Variants in MAK observed in about 807,000 individuals in gnomAD.
MAK encodes the protein male germ cell associated kinase, also known as serine/threonine-protein kinase MAK.
MAK carries 65 observed loss-of-function variants against 82.6 expected under a neutral mutation model. That is an observed-to-expected ratio of 0.79 (90% CI 0.64 to 0.97). The LOEUF (loss-of-function observed/expected upper bound fraction) is 0.97. MAK is among the 50% of genes least tolerant of loss of function. MAK has a pLI of 0.00. For missense variants in MAK, 703 were observed against 780.2 expected (o/e 0.90, Z 1.18); for synonymous variants, 250 against 274.2 (o/e 0.91, Z 0.87).
intron 10 of MAK, among the ~76,000 whole-genome samples, chr6:10,790,204 A>G (rs1774953705): frequency 6.6e-6 from 1 of 152,146 alleles, no homozygotes; most frequent in Non-Finnish European, 1.5e-5. Context: ...TTTTTAGGAA[A>G]GAGTACCTAT....
At position 10,764,578 on chromosome 6, in the gene MAK, C is replaced by T; in HGVS notation, c.1821G>A (p.Arg607=). The change falls in exon 15 of 15, where the codon CGG becomes CGA. Residue 607 remains arginine, a synonymous_variant. Coordinates refer to ENST00000354489, the MANE Select transcript of MAK (RefSeq NM_001242957.3). ...SEYTWNTKTG[R]GQFSGRTYNP... ...TATAAGTACGTCCTGAAAACTGCCC[C>T]CGACCAGTTTTTGTGTTCCAGGTAT... The T allele has an allele frequency of 1.2e-6, 2 of 1,613,904 alleles. No homozygotes were observed. The highest frequency in any genetic ancestry group is 1.7e-6 in the Non-Finnish European group (2 of 1,179,894).
intron 5 of MAK, among the ~76,000 whole-genome samples, chr6:10,813,086 T>TTTTATATA (rs1347378325): frequency 1.1e-4 from 4 of 34,906 alleles, no homozygotes; most frequent in Admixed American, 4.6e-4. Flanking sequence ...TTATGTATTT[T>TTTTATATA]TATATATATA....
chr6:10,787,844 G>A (rs1259553762), intron 10 of MAK, among the ~76,000 whole-genome samples: 3 of 110,198 alleles, frequency 2.7e-5, no homozygotes, highest in African/African-American at 1.1e-4. Flanking sequence ...CTGGGTGACA[G>A]AGCGAGACTG....
chr6:10,768,984 A>T (rs971754493), intron 14 of MAK, among the ~76,000 whole-genome samples: 1 of 152,340 alleles, frequency 6.6e-6, no homozygotes, highest in East Asian at 1.9e-4. Flanking sequence ...CCAAGGTGGG[A>T]GGATTGCTTG....
At chr6:10,779,222 C>T in intron 11 of MAK, 1 of 525,048 alleles carries the variant, frequency 1.9e-6, no homozygotes, top group South Asian at 8.2e-5. Flanking sequence ...AGTCCCGGCT[C>T]TAGGAGCAGG....
At chr6:10,796,708 A>G (rs1775594934) in intron 8 of MAK, among the ~76,000 whole-genome samples, 1 of 151,364 alleles carries the variant, frequency 6.6e-6, no homozygotes, top group South Asian at 2.1e-4. Context: ...CGGGAGGGTG[A>G]GGCATGAGAA....
At chr6:10,802,904 A>G (rs954591387) in intron 7 of MAK, among the ~76,000 whole-genome samples, 1 of 152,256 alleles carries the variant, frequency 6.6e-6, no homozygotes, top group Non-Finnish European at 1.5e-5. Flanking sequence ...CACATTTCAG[A>G]AAGAAAGGTG....
In MAK at chr6:10,813,082, ATTTT is replaced by A. The variant is rs1379792812; in HGVS notation, c.358+558_358+561del. Reference sequence around the variant, plus strand: ...GGCCTGGTATGTATGTATGTTATGTATTTTTATATATATATATATATATATATAT... The same window carrying A: ...GGCCTGGTATGTATGTATGTTATGTATATATATATATATATATATATATAT... On this transcript the variant is annotated intron_variant, in intron 5 of 14. Coordinates refer to ENST00000354489, the MANE Select transcript of MAK (RefSeq NM_001242957.3). 4.8e-3 allele frequency among the ~76,000 whole-genome samples: 155 copies of A among 32,494 alleles called. 4 individuals carry two copies. The highest frequency in any genetic ancestry group is 0.013 in the African/African-American group (150 of 11,408). The allele number at this position is 32,494 out of a possible 152,430, so 21.3% of individuals were successfully genotyped here.
chr6:10,830,411 G>A (rs920635076), intron 2 of MAK, 137 bp downstream of exon 2: 15 of 701,890 alleles, frequency 2.1e-5, no homozygotes, highest in Middle Eastern at 5.0e-4. Flanking sequence ...TGATCCGCCC[G>A]CCTCGGCCTC....
At chr6:10,792,258 T>TC (rs905009400) in intron 9 of MAK, among the ~76,000 whole-genome samples, 2 of 151,956 alleles carry the variant, frequency 1.3e-5, no homozygotes, top group African/African-American at 4.8e-5. Flanking sequence ...CTTTTACTCT[T>TC]CCCCCTCCTT....
intron 2 of MAK, among the ~76,000 whole-genome samples, chr6:10,819,547 A>G (rs7740750): frequency 0.16 from 24,577 of 151,762 alleles, 1,921 homozygotes; most frequent in Middle Eastern, 0.2. Context: ...CAGGAGAATC[A>G]CTTGAACCCA....
At position 10,805,415 on chromosome 6, in the gene MAK, G is replaced by A. The variant is rs531169220; in HGVS notation, c.492-1524C>T. Among the ~76,000 whole-genome samples, 6 of 151,950 alleles carry A rather than the reference G, an allele frequency of 3.9e-5. No individual in the cohort carries two copies. In the East Asian group the frequency reaches 1.2e-3, roughly 29 times the overall value. Reference sequence around the variant, plus strand: ...GGCCTGGCCAACATGGTGAAACCCCGTCTCTACTAAAAATACAAAAACTTA... The same window carrying A: ...GGCCTGGCCAACATGGTGAAACCCCATCTCTACTAAAAATACAAAAACTTA... On this transcript the variant is annotated intron_variant, in intron 6 of 14. Transcript: ENST00000354489.
intron 13 of MAK, among the ~76,000 whole-genome samples, chr6:10,770,996 C>CTCAGGTGACTGGGGGGTGCGTTGTCCA (rs1408243247): frequency 6.6e-6 from 1 of 151,328 alleles, no homozygotes; most frequent in African/African-American, 2.4e-5. Flanking sequence ...AAGTTTGCAG[C>CTCAGGTGACTGGGGGGTGCGTTGTCCA]TCAGGTGACT....
intron 12 of MAK, among the ~76,000 whole-genome samples, chr6:10,774,511 T>C (rs73440127): frequency 0.018 from 2,688 of 152,264 alleles, 67 homozygotes; most frequent in African/African-American, 0.052. Context: ...TACAAATAGA[T>C]AGTTGGGAAC....
intron 10 of MAK, 138 bp downstream of exon 10, chr6:10,791,537 G>A (rs2127542198): frequency 1.3e-6 from 1 of 750,580 alleles, no homozygotes; most frequent in South Asian, 1.7e-5. Flanking sequence ...AAAGTGCTGG[G>A]ATTACAGGCC....
chr6:10,821,024 C>T (rs1257947729), intron 2 of MAK, among the ~76,000 whole-genome samples: 1 of 152,108 alleles, frequency 6.6e-6, no homozygotes, highest in Non-Finnish European at 1.5e-5. Flanking sequence ...TCATGGCTCA[C>T]TGTAGCCTTG....
chr6:10,781,484 C>T (rs1286997184), intron 11 of MAK, among the ~76,000 whole-genome samples: 1 of 143,284 alleles, frequency 7.0e-6, no homozygotes, highest in Non-Finnish European at 1.5e-5. Flanking sequence ...AGTGCAATGT[C>T]ACAATCTTGG....
Position 10,818,851 on chromosome 6 carries a change from G to C in MAK, c.156+35C>G, listed in dbSNP as rs766787577. 5.9e-6 allele frequency: 7 copies of C among 1,176,546 alleles called. No homozygotes were observed. The Admixed American group carries it at 1.2e-4, about 20-fold the overall frequency. The allele number at this position is 1,176,546 out of a possible 1,614,324, so 72.9% of individuals were successfully genotyped here. A position where few individuals can be genotyped will look rare whatever the true frequency, so the allele number is the denominator to read the frequency against. ...ACTACGGTCCTCAGGTAGTGTTAAG[G>C]CCTTCTCAGGTTCTTTTCATCTTTA... On this transcript the variant is annotated intron_variant, in intron 3 of 14. Coordinates refer to ENST00000354489, the MANE Select transcript of MAK (RefSeq NM_001242957.3).
intron 2 of MAK, among the ~76,000 whole-genome samples, chr6:10,824,898 CGAT>C (rs1178759747): frequency 6.6e-6 from 1 of 152,138 alleles, no homozygotes; most frequent in Non-Finnish European, 1.5e-5. Flanking sequence ...ACACCACAGC[CGAT>C]GATATTGTTG....
Sources: allele counts gnomAD v4.1 joint callset (sites outside exome capture counted in the v4.1 genomes callset), GRCh38; gene constraint gnomAD v4.1.1; transcripts MANE v1.5; gene names NCBI Gene and HGNC (gene_info 2026-07-23, HGNC 2026-07-21).